RNF150: variants seen among roughly 807,000 people sequenced by gnomAD.
RNF150 encodes ring finger protein 150.
In RNF150, 24 loss-of-function variants were observed where a neutral mutation model predicts 39.3. That is an observed-to-expected ratio of 0.61 (90% CI 0.44 to 0.86). The LOEUF (loss-of-function observed/expected upper bound fraction) is 0.86, where lower values mean the gene tolerates loss of function less well. RNF150 is among the 40% of genes least tolerant of loss of function. The pLI is 0.00. For synonymous variants in RNF150, 255 were observed against 227.3 expected, an observed-to-expected ratio of 1.12 and a Z score of -1.10; for missense variants, 502 against 587.8, an observed-to-expected ratio of 0.85 and a Z score of 1.51.
intron 1 of RNF150, among the ~76,000 whole-genome samples, chr4:141,090,744 C>G (rs148189740): frequency 5.3e-5 from 8 of 152,254 alleles, no homozygotes; most frequent in East Asian, 3.9e-4. Context: ...TATCTTTAGA[C>G]GGAGCAGCTG....
rs1231116946 is a variant in RNF150 at position 140,865,541 on chromosome 4, CT to C, written c.*2719del. 2.7e-3 allele frequency: 375 copies of C among 138,718 alleles called. 2 individuals are homozygous for C. Among genetic ancestry groups the C allele is most frequent in the East Asian group, 0.025 (116 of 4,724 alleles). The allele number at this position is 138,718 out of a possible 1,614,324, so 8.6% of individuals were successfully genotyped here. A position where few individuals can be genotyped will look rare whatever the true frequency, so the allele number is the denominator to read the frequency against. ...CTGAAAGAGAAACTTTCTGGTTAAG[CT>C]TTTTTTTTTTCTTTTTTTTTTTTTT... On this transcript the variant is annotated 3_prime_UTR_variant, in exon 7 of 7. Coordinates refer to ENST00000515673, the MANE Select transcript of RNF150 (RefSeq NM_020724.2).
chr4:140,891,387 G>A (rs1020166941), intron 6 of RNF150, among the ~76,000 whole-genome samples: 2 of 152,180 alleles, frequency 1.3e-5, no homozygotes, highest in South Asian at 2.1e-4. Flanking sequence ...TAGGTTTCAC[G>A]GTGCTCCATG....
At chr4:140,999,980 GAAGAA>G (rs1489408158) in intron 1 of RNF150, among the ~76,000 whole-genome samples, 58 of 25,288 alleles carry the variant, frequency 2.3e-3, no homozygotes, top group Middle Eastern at 0.062. Context: ...AAGAAGAAAA[GAAGAA>G]AAGAAGAAAA....
chr4:141,007,310 C>T (rs1451000057), intron 1 of RNF150, among the ~76,000 whole-genome samples: 1 of 152,156 alleles, frequency 6.6e-6, no homozygotes, highest in East Asian at 1.9e-4. Context: ...AATACTCCTC[C>T]TTGAAAGTGA....
chr4:141,124,381 T>G (rs987661236), intron 1 of RNF150, among the ~76,000 whole-genome samples: 1 of 151,978 alleles, frequency 6.6e-6, no homozygotes, highest in Admixed American at 6.5e-5. Flanking sequence ...CAGGGAAGAG[T>G]AGCTTGGGAG....
chr4:141,185,588 G>A (rs539554246), intron 1 of RNF150, among the ~76,000 whole-genome samples: 20 of 152,260 alleles, frequency 1.3e-4, no homozygotes, highest in African/African-American at 4.6e-4. Context: ...TGGTGAGAGA[G>A]GGCATCCTTG....
chr4:141,035,063 T>C (rs1423284727), intron 1 of RNF150, among the ~76,000 whole-genome samples: 1 of 152,192 alleles, frequency 6.6e-6, no homozygotes. Flanking sequence ...AAAATAGGTA[T>C]ACTTGTATAA....
At chr4:141,002,894 G>C (rs1734718444) in intron 1 of RNF150, among the ~76,000 whole-genome samples, 1 of 152,218 alleles carries the variant, frequency 6.6e-6, no homozygotes, top group South Asian at 2.1e-4. Context: ...GCTTTTCAAG[G>C]AGAGCTCTCT....
chr4:141,103,248 AG>A (rs1233872177), intron 1 of RNF150, among the ~76,000 whole-genome samples: 8 of 152,236 alleles, frequency 5.3e-5, no homozygotes, highest in Non-Finnish European at 1.0e-4. Context: ...TGCACAATTG[AG>A]GAAAATTGTT....
intron 4 of RNF150, among the ~76,000 whole-genome samples, chr4:140,934,399 AC>A (rs1731759512): frequency 6.6e-6 from 1 of 152,176 alleles, no homozygotes; most frequent in Non-Finnish European, 1.5e-5. Context: ...GTAGTTATAA[AC>A]ATAATAACTT....
At chr4:141,007,580 AAATT>A (rs1172043471) in intron 1 of RNF150, among the ~76,000 whole-genome samples, 2 of 152,190 alleles carry the variant, frequency 1.3e-5, no homozygotes, top group Admixed American at 1.3e-4. Flanking sequence ...TCGTGTACTT[AAATT>A]ATTTTACTTT....
intron 1 of RNF150, among the ~76,000 whole-genome samples, chr4:141,059,362 T>C (rs1432868531): frequency 6.6e-6 from 1 of 152,066 alleles, no homozygotes; most frequent in East Asian, 1.9e-4. Context: ...CTAAATAAAC[T>C]AGGTTAAAAA....
At chr4:141,035,976 TA>T (rs151161584) in intron 1 of RNF150, among the ~76,000 whole-genome samples, 1,719 of 152,164 alleles carry the variant, frequency 0.011, 40 homozygotes, top group African/African-American at 0.04. Context: ...TTAAAAGATA[TA>T]AAAGATAAAG....
intron 2 of RNF150, among the ~76,000 whole-genome samples, chr4:140,961,115 C>G (rs1282165137): frequency 6.6e-6 from 1 of 152,102 alleles, no homozygotes; most frequent in Non-Finnish European, 1.5e-5. Context: ...TTGGTTAAAT[C>G]TTTAGGAAAC....
chr4:141,045,320 T>C (rs1482407005), intron 1 of RNF150, among the ~76,000 whole-genome samples: 2 of 152,188 alleles, frequency 1.3e-5, no homozygotes, highest in Admixed American at 6.5e-5. Flanking sequence ...AAAACCATTT[T>C]CACAAATATA....
At chr4:141,023,359 C>T (rs941571327) in intron 1 of RNF150, among the ~76,000 whole-genome samples, 1 of 151,912 alleles carries the variant, frequency 6.6e-6, no homozygotes, top group Non-Finnish European at 1.5e-5. Flanking sequence ...AATTCTCCTG[C>T]CTTGGCTTCC....
chr4:140,929,972 C>T (rs1455732830), intron 4 of RNF150, among the ~76,000 whole-genome samples: 1 of 152,056 alleles, frequency 6.6e-6, no homozygotes, highest in Admixed American at 6.5e-5. Context: ...ACTAGGCTGG[C>T]CACCGTGGCG....
intron 1 of RNF150, among the ~76,000 whole-genome samples, chr4:140,984,168 A>T (rs1733948020): frequency 6.6e-6 from 1 of 152,118 alleles, no homozygotes; most frequent in Admixed American, 6.6e-5. Context: ...CAGATTAGGG[A>T]CACTCAACCT....
intron 1 of RNF150, among the ~76,000 whole-genome samples, chr4:141,099,368 A>G (rs1431485230): frequency 6.6e-6 from 1 of 152,178 alleles, no homozygotes; most frequent in Non-Finnish European, 1.5e-5. Flanking sequence ...TCAGTTATCA[A>G]TATCAGATTG....
Sources: allele counts gnomAD v4.1 joint callset (sites outside exome capture counted in the v4.1 genomes callset), GRCh38; gene constraint gnomAD v4.1.1; transcripts MANE v1.5; gene names NCBI Gene and HGNC (gene_info 2026-07-23, HGNC 2026-07-21).